Variants in EPS15L1 observed in about 807,000 individuals in gnomAD.
EPS15L1 encodes the protein epidermal growth factor receptor pathway substrate 15 like 1.
Under a neutral mutation model 117.1 loss-of-function variants are expected in EPS15L1, and 43 were observed. The ratio of observed to expected loss-of-function variants is 0.37; its 90% CI spans 0.29 to 0.47. EPS15L1 has a LOEUF of 0.47. Among genes scored for constraint, EPS15L1 ranks in the 20% least tolerant of loss-of-function variants. EPS15L1 has a pLI of 0.99. For synonymous variants in EPS15L1, 459 were observed against 470.5 expected, an observed-to-expected ratio of 0.98 and a Z score of 0.32; for missense variants, 981 against 1,164.0, an observed-to-expected ratio of 0.84 and a Z score of 2.29.
At chr19:16,382,341 G>A (rs2092372499) in intron 21 of EPS15L1, among the ~76,000 whole-genome samples, 2 of 152,288 alleles carry the variant, frequency 1.3e-5, no homozygotes, top group African/African-American at 4.8e-5. Flanking sequence ...TCGGGCAGCG[G>A]CTTCAAGGAA....
At chr19:16,422,551 G>A (rs747509723) in intron 9 of EPS15L1, among the ~76,000 whole-genome samples, 2 of 152,034 alleles carry the variant, frequency 1.3e-5, no homozygotes, top group East Asian at 1.9e-4. Flanking sequence ...TGGAGGGATC[G>A]ATTGTTCCTT....
At chr19:16,418,231 C>T in intron 10 of EPS15L1, 127 bp from the exon 11 acceptor site, 1 of 1,000,492 alleles carries the variant, frequency 1.0e-6, no homozygotes. Flanking sequence ...GTGGCAAGCC[C>T]CAGCTCCTTC....
chr19:16,438,745 TG>T (rs1288140179), intron 4 of EPS15L1, among the ~76,000 whole-genome samples: 2 of 152,234 alleles, frequency 1.3e-5, no homozygotes, highest in Non-Finnish European at 2.9e-5. Context: ...TTGCCCAGGC[TG>T]GTCTCAAATT....
chr19:16,420,290 A>C (rs2092801011), intron 10 of EPS15L1, among the ~76,000 whole-genome samples: 1 of 152,178 alleles, frequency 6.6e-6, no homozygotes, highest in Admixed American at 6.5e-5. Context: ...TGTCAATTGC[A>C]GCATGCATTA....
At chr19:16,452,849 C>G (rs4808512) in intron 1 of EPS15L1, among the ~76,000 whole-genome samples, 1 of 151,620 alleles carries the variant, frequency 6.6e-6, no homozygotes, top group African/African-American at 2.4e-5. Context: ...CAAGCTGGAG[C>G]GCAGTGGCAC....
chr19:16,420,372 G>A (rs1471707742), intron 10 of EPS15L1, among the ~76,000 whole-genome samples: 1 of 152,228 alleles, frequency 6.6e-6, no homozygotes, highest in Non-Finnish European at 1.5e-5. Flanking sequence ...GGAACTGTAT[G>A]TGTGTTGGTT....
chr19:16,400,089 C>T (rs1222615188), intron 16 of EPS15L1, among the ~76,000 whole-genome samples: 1 of 152,146 alleles, frequency 6.6e-6, no homozygotes, highest in Non-Finnish European at 1.5e-5. Context: ...GTAATCCCAG[C>T]ATTTGGGGAG....
At chr19:16,391,306 A>G (rs2092471635) in intron 19 of EPS15L1, among the ~76,000 whole-genome samples, 4 of 152,218 alleles carry the variant, frequency 2.6e-5, no homozygotes, top group Admixed American at 6.5e-5. Context: ...GGAAAGGTCA[A>G]TGAAATTGGT....
intron 8 of EPS15L1, among the ~76,000 whole-genome samples, chr19:16,428,480 AGAGGGAGG>A (rs201589755): frequency 4.3e-5 from 4 of 94,020 alleles, no homozygotes; most frequent in African/African-American, 8.6e-5. Flanking sequence ...AGAGAGGGAG[AGAGGGAGG>A]GAGGGAGGGA....
At chr19:16,431,372 T>G (rs1722891836) in intron 7 of EPS15L1, among the ~76,000 whole-genome samples, 1 of 151,216 alleles carries the variant, frequency 6.6e-6, no homozygotes, top group Non-Finnish European at 1.5e-5. Context: ...GGTATGATCT[T>G]GGCTCACTGC....
At chr19:16,358,848 T>C (rs1313275655) in intron 23 of EPS15L1, among the ~76,000 whole-genome samples, 1 of 152,200 alleles carries the variant, frequency 6.6e-6, no homozygotes, top group African/African-American at 2.4e-5. Context: ...GCTGATCTGG[T>C]ATTTGCACTA....
At chr19:16,428,885 A>G in intron 7 of EPS15L1, 124 bp from the exon 8 acceptor site, 1 of 704,082 alleles carries the variant, frequency 1.4e-6, no homozygotes, top group Non-Finnish European at 2.5e-6. Flanking sequence ...CAGTCAATAT[A>G]CATTTCAGGA....
intron 7 of EPS15L1, among the ~76,000 whole-genome samples, chr19:16,431,476 G>A (rs113683256): frequency 5.9e-5 from 9 of 151,518 alleles, no homozygotes; most frequent in African/African-American, 1.7e-4. Context: ...GCTAATTTTT[G>A]TATTTTTAGT....
intron 6 of EPS15L1, 114 bp from the exon 7 acceptor site, chr19:16,434,604 G>A: frequency 2.7e-6 from 3 of 1,107,806 alleles, no homozygotes; most frequent in East Asian, 2.4e-5. Flanking sequence ...ATCACCCTTG[G>A]CTAAAAGCAC....
In EPS15L1 at chr19:16,405,421, G is replaced by A. The variant is rs1482503793; in HGVS notation, c.1267-672C>T. On this transcript the variant is annotated intron_variant, in intron 13 of 23. Coordinates refer to ENST00000455140, the MANE Select transcript of EPS15L1 (RefSeq NM_001258374.3). This position sits in a 1 kb window ranked among gnomAD's most constrained non-coding sequence, Gnocchi z 4.0. ...GGCGGGACATCATGATTCTGTTTCT[G>A]AAGCTCTCTCTGACCCCGTGGGATG... Among the ~76,000 whole-genome samples, 1 of 152,224 alleles carries A rather than the reference G, an allele frequency of 6.6e-6. No homozygotes were observed. Among genetic ancestry groups the A allele is most frequent in the East Asian group, 1.9e-4 (1 of 5,198 alleles).
intron 10 of EPS15L1, among the ~76,000 whole-genome samples, chr19:16,419,783 C>T (rs959798046): frequency 3.9e-5 from 6 of 152,254 alleles, no homozygotes; most frequent in African/African-American, 1.2e-4. Flanking sequence ...GAGGCCCTGA[C>T]GATTTCATAC....
intron 22 of EPS15L1, among the ~76,000 whole-genome samples, chr19:16,373,681 G>C (rs575370234): frequency 9.2e-5 from 14 of 152,212 alleles, no homozygotes; most frequent in African/African-American, 3.1e-4. Context: ...GCCAGGAACC[G>C]GGAAGGGAAT....
chr19:16,363,778 C>G (rs891506729), intron 22 of EPS15L1, among the ~76,000 whole-genome samples: 2 of 152,268 alleles, frequency 1.3e-5, no homozygotes, highest in Non-Finnish European at 2.9e-5. Flanking sequence ...CCGTAGCCCC[C>G]CCTTGCCTGT....
At chr19:16,401,600 C>G in intron 16 of EPS15L1, 2 of 985,550 alleles carry the variant, frequency 2.0e-6, no homozygotes, top group Non-Finnish European at 2.4e-6. Context: ...AGGTTCGAGG[C>G]TGCAGGGGCA....
Sources: gnomAD v4.1 joint callset for allele counts (sites outside exome capture counted in the v4.1 genomes callset) on GRCh38, gnomAD v4.1.1 for gene constraint, Gnocchi (gnomAD v3.1) non-coding constraint, MANE v1.5 for transcripts, NCBI Gene and HGNC (gene_info 2026-07-23, HGNC 2026-07-21) for gene names.